The following GRM1 variants were observed in gnomAD, a reference collection of about 807,000 sequenced individuals.
GRM1 encodes glutamate metabotropic receptor 1.
GRM1 carries 33 observed loss-of-function variants against 90.9 expected under a neutral mutation model. The observed-to-expected ratio is 0.36, with a 90% CI of 0.28 to 0.49. The LOEUF (loss-of-function observed/expected upper bound fraction) is 0.49, where lower values mean the gene tolerates loss of function less well. GRM1 is among the 20% of genes least tolerant of loss of function. The probability of loss-of-function intolerance (pLI) is 0.99; values close to 1 mark genes in which losing one functional copy is unlikely to be tolerated. For synonymous variants in GRM1, 700 were observed against 613.2 expected, an observed-to-expected ratio of 1.14 and a Z score of -2.09; for missense variants, 1,190 against 1,534.3, an observed-to-expected ratio of 0.78 and a Z score of 3.75.
intron 2 of GRM1, among the ~76,000 whole-genome samples, chr6:146,257,905 G>A (rs993845898): frequency 1.3e-5 from 2 of 151,704 alleles, no homozygotes; most frequent in Non-Finnish European, 2.9e-5. Context: ...AGCACCTCAT[G>A]TCCCAGTCAA....
At chr6:146,289,478 GTAAA>G (rs2114879567) in intron 2 of GRM1, among the ~76,000 whole-genome samples, 1 of 152,230 alleles carries the variant, frequency 6.6e-6, no homozygotes, top group African/African-American at 2.4e-5. Context: ...AAATTAAAAA[GTAAA>G]TAAAGTCAAA....
At chr6:146,359,364 G>A (rs1775364665) in intron 5 of GRM1, among the ~76,000 whole-genome samples, 1 of 152,168 alleles carries the variant, frequency 6.6e-6, no homozygotes, top group African/African-American at 2.4e-5. Context: ...AAGGTGGGGA[G>A]AGGACAGAAG....
chr6:146,104,206 C>T (rs891450596), intron 1 of GRM1, among the ~76,000 whole-genome samples: 18 of 152,018 alleles, frequency 1.2e-4, no homozygotes, highest in Non-Finnish European at 2.2e-4. Flanking sequence ...TTTGGGAGGC[C>T]GAGGCGGGCG....
At chr6:146,431,177 G>T (rs1778392033) in intron 7 of GRM1, among the ~76,000 whole-genome samples, 1 of 152,158 alleles carries the variant, frequency 6.6e-6, no homozygotes, top group African/African-American at 2.4e-5. Context: ...ATGCCCTGAG[G>T]TGTGAGATCT....
At chr6:146,113,023 A>G (rs1479502865) in intron 1 of GRM1, among the ~76,000 whole-genome samples, 3 of 152,222 alleles carry the variant, frequency 2.0e-5, no homozygotes, top group African/African-American at 7.2e-5. Context: ...TAAGTCTTCA[A>G]GCTCCATATT....
chr6:146,194,280 ATCT>A (rs1779040099), intron 2 of GRM1, among the ~76,000 whole-genome samples: 1 of 152,062 alleles, frequency 6.6e-6, no homozygotes, highest in Non-Finnish European at 1.5e-5. Context: ...CACTAATGAC[ATCT>A]TCTTTGTTGT....
At chr6:146,216,942 T>C (rs1287407440) in intron 2 of GRM1, among the ~76,000 whole-genome samples, 2 of 152,152 alleles carry the variant, frequency 1.3e-5, no homozygotes, top group African/African-American at 4.8e-5. Flanking sequence ...ATTGAAAAGC[T>C]AGAGACAATT....
chr6:146,363,565 C>T lies in GRM1; in HGVS notation c.1602+5871C>T, dbSNP rs2300618. ...TGATCTCTAGAACGTAATATAAAAT[C>T]TATGTGTATGTGTCTATGTATGTGT... On this transcript the variant is annotated intron_variant, in intron 5 of 7. Transcript: ENST00000282753. Among the ~76,000 whole-genome samples, 913 of 152,132 alleles carry T rather than the reference C, an allele frequency of 6.0e-3. 31 individuals are homozygous for T. The East Asian group carries it at 0.1, about 17-fold the overall frequency.
chr6:146,222,226 A>G (rs1270763529), intron 2 of GRM1, among the ~76,000 whole-genome samples: 1 of 152,122 alleles, frequency 6.6e-6, no homozygotes, highest in Non-Finnish European at 1.5e-5. Flanking sequence ...CATATTTTTT[A>G]TCTGTTCTGA....
chr6:146,181,729 G>T (rs538510216), intron 2 of GRM1, among the ~76,000 whole-genome samples: 78 of 152,138 alleles, frequency 5.1e-4, no homozygotes, highest in African/African-American at 1.8e-3. Context: ...GGGTACTTTT[G>T]TCTCCTTGTC....
chr6:146,112,539 G>A (rs1775598101), intron 1 of GRM1, among the ~76,000 whole-genome samples: 1 of 152,094 alleles, frequency 6.6e-6, no homozygotes, highest in African/African-American at 2.4e-5. Context: ...TGACAGAATA[G>A]AGATCAAGAT....
At chr6:146,156,220 A>G (rs1009791402) in intron 1 of GRM1, among the ~76,000 whole-genome samples, 2 of 152,190 alleles carry the variant, frequency 1.3e-5, no homozygotes, top group Non-Finnish European at 2.9e-5. Context: ...AGCCTGGCCA[A>G]TGTGGTGAAA....
intron 2 of GRM1, among the ~76,000 whole-genome samples, chr6:146,293,054 A>C (rs1783046003): frequency 6.6e-6 from 1 of 152,044 alleles, no homozygotes; most frequent in African/African-American, 2.4e-5. Context: ...TTGCATATGA[A>C]ATATCCAGAA....
chr6:146,406,319 T>C (rs1340344117), intron 7 of GRM1, among the ~76,000 whole-genome samples: 1 of 152,178 alleles, frequency 6.6e-6, no homozygotes, highest in Non-Finnish European at 1.5e-5. Flanking sequence ...ATTAACATAG[T>C]ATGAAAAATC....
intron 1 of GRM1, among the ~76,000 whole-genome samples, chr6:146,136,053 T>C (rs913882700): frequency 1.3e-5 from 2 of 152,208 alleles, no homozygotes; most frequent in African/African-American, 4.8e-5. Context: ...TGTGCTTGGC[T>C]TATTTCACTT....
chr6:146,421,977 C>T (rs928838873), intron 7 of GRM1, among the ~76,000 whole-genome samples: 1 of 152,086 alleles, frequency 6.6e-6, no homozygotes, highest in Non-Finnish European at 1.5e-5. Context: ...ATGTATTTAT[C>T]TATAAAAACA....
chr6:146,054,321 A>G (rs1775405271), intron 1 of GRM1, among the ~76,000 whole-genome samples: 1 of 152,138 alleles, frequency 6.6e-6, no homozygotes, highest in African/African-American at 2.4e-5. Flanking sequence ...TGATTGGAAG[A>G]AGAAATGGAA....
chr6:146,030,021 C>T lies in GRM1; in HGVS notation c.504C>T (p.Ala168=). The part of the protein sequence containing the change: ...GVIGPGSSSV[A]IQVQNLLQLF... ...TCGGTCCCGGCTCCAGCTCTGTAGC[C>T]ATTCAAGTGCAGAACCTGCTCCAGC... Residue 168 remains alanine (A), a synonymous_variant, in exon 1 of 8, where the codon GCC becomes GCT. Coordinates refer to ENST00000282753, the MANE Select transcript of GRM1 (RefSeq NM_001278064.2). 1.2e-6 allele frequency: 2 copies of T among 1,614,202 alleles called. No individual in the cohort carries two copies. Among genetic ancestry groups the T allele is most frequent in the Non-Finnish European group, 1.7e-6 (2 of 1,180,036 alleles).
intron 7 of GRM1, among the ~76,000 whole-genome samples, chr6:146,405,274 C>T (rs1174598280): frequency 6.6e-6 from 1 of 151,826 alleles, no homozygotes; most frequent in Non-Finnish European, 1.5e-5. Flanking sequence ...TTTAAAGTGC[C>T]CAAGAGGGTG....
Sources: gnomAD v4.1 joint callset for allele counts (sites outside exome capture counted in the v4.1 genomes callset) on GRCh38, gnomAD v4.1.1 for gene constraint, MANE v1.5 for transcripts, NCBI Gene and HGNC (gene_info 2026-07-23, HGNC 2026-07-21) for gene names.